Variants in BRMS1L observed in about 807,000 individuals in gnomAD.
BRMS1L encodes BRMS1 like transcriptional repressor.
In BRMS1L, 23 loss-of-function variants were observed where a neutral mutation model predicts 50.3. That is an observed-to-expected ratio of 0.46 (90% CI 0.33 to 0.65). BRMS1L has a LOEUF of 0.65. Ranked by LOEUF, BRMS1L falls within the 30% of genes least tolerant of loss-of-function variation. BRMS1L has a pLI of 0.02. For synonymous variants in BRMS1L, 114 were observed against 126.9 expected (o/e 0.90, Z 0.69); for missense variants, 286 against 386.1 (o/e 0.74, Z 2.17).
Position 35,826,413 on chromosome 14 carries a change from C to G in BRMS1L, c.-104C>G. 2.6e-6 allele frequency: 4 copies of G among 1,516,484 alleles called. No homozygotes were observed. The highest frequency in any genetic ancestry group is 3.5e-6 in the Non-Finnish European group (4 of 1,127,130). The allele number at this position is 1,516,484 out of a possible 1,614,324, so 93.9% of individuals were successfully genotyped here. ...GGCGGGGAGGAGCCAAGGGGGCGAGCAAGCTCGGTGGCTGGGTGGGTTGGG... is the reference window on the plus strand; with the variant it reads ...GGCGGGGAGGAGCCAAGGGGGCGAGGAAGCTCGGTGGCTGGGTGGGTTGGG... On this transcript the variant is annotated 5_prime_UTR_variant, in exon 1 of 10. Coordinates refer to ENST00000216807, the MANE Select transcript of BRMS1L (RefSeq NM_032352.4).
Position 35,850,947 on chromosome 14 carries a change from C to T in BRMS1L, c.442-11643C>T, listed in dbSNP as rs2078204553. 2.0e-5 allele frequency among the ~76,000 whole-genome samples: 3 copies of T among 152,166 alleles called. No homozygotes were observed. In the South Asian group the frequency reaches 6.2e-4, roughly 32 times the overall value. On this transcript the variant is annotated intron_variant, in intron 4 of 9. Coordinates refer to ENST00000216807, the MANE Select transcript of BRMS1L (RefSeq NM_032352.4). ...TATTTTTCAACTAATCCTAGACCCACCCAAGGATCAAGCACAGAATTTGGT... is the reference window on the plus strand; with the variant it reads ...TATTTTTCAACTAATCCTAGACCCATCCAAGGATCAAGCACAGAATTTGGT...
intron 4 of BRMS1L, among the ~76,000 whole-genome samples, chr14:35,850,420 T>G (rs897276657): frequency 2.6e-5 from 4 of 151,324 alleles, no homozygotes; most frequent in African/African-American, 9.7e-5. Context: ...TTGTTCAAGC[T>G]GGTCTTGAAT....
chr14:35,868,719 G>A (rs1402757652), intron 9 of BRMS1L, among the ~76,000 whole-genome samples: 1 of 152,104 alleles, frequency 6.6e-6, no homozygotes. Context: ...GCTGCAGCAA[G>A]GTATCATTTC....
intron 4 of BRMS1L, among the ~76,000 whole-genome samples, chr14:35,859,970 A>C (rs999409961): frequency 5.3e-5 from 8 of 152,126 alleles, no homozygotes; most frequent in African/African-American, 1.9e-4. Flanking sequence ...GTTTAATAAA[A>C]AAATTCGTAT....
intron 9 of BRMS1L, among the ~76,000 whole-genome samples, chr14:35,869,594 T>C (rs2142067298): frequency 6.6e-6 from 1 of 152,126 alleles, no homozygotes; most frequent in African/African-American, 2.4e-5. Flanking sequence ...ACACCTGTAA[T>C]CCCAACACTT....
At chr14:35,868,442 A>G (rs2078448595) in intron 9 of BRMS1L, among the ~76,000 whole-genome samples, 1 of 152,212 alleles carries the variant, frequency 6.6e-6, no homozygotes, top group South Asian at 2.1e-4. Flanking sequence ...CAATTAGAGT[A>G]GGAAATAAAT....
rs1227329953 is a variant in BRMS1L at position 35,871,508 on chromosome 14, G to A, written c.*1031G>A. Reference sequence around the variant, plus strand: ...TTCAAAATTAACTTCCAAAACCTCAGGAACAGTACAAAGAATTGAAACCCT... The same window carrying A: ...TTCAAAATTAACTTCCAAAACCTCAAGAACAGTACAAAGAATTGAAACCCT... On this transcript the variant is annotated 3_prime_UTR_variant, in exon 10 of 10. Transcript: ENST00000216807. 1 of 152,608 alleles carries A rather than the reference G, an allele frequency of 6.6e-6. No individual in the cohort carries two copies. The highest frequency in any genetic ancestry group is 2.4e-5 in the African/African-American group (1 of 41,438). The allele number at this position is 152,608 out of a possible 1,614,324, so 9.5% of individuals were successfully genotyped here. A position where few individuals can be genotyped will look rare whatever the true frequency, so the allele number is the denominator to read the frequency against.
chr14:35,834,295 A>G (rs866618403), intron 3 of BRMS1L, among the ~76,000 whole-genome samples: 4 of 152,142 alleles, frequency 2.6e-5, no homozygotes, highest in African/African-American at 9.7e-5. Context: ...AAGTTAAACT[A>G]TCTTGGGTAT....
chr14:35,841,137 C>T (rs1385626769), intron 4 of BRMS1L, among the ~76,000 whole-genome samples: 1 of 152,080 alleles, frequency 6.6e-6, no homozygotes, highest in East Asian at 1.9e-4. Flanking sequence ...GCCGGTTGTA[C>T]AGTTTCCATG....
At chr14:35,844,877 A>G (rs2078113604) in intron 4 of BRMS1L, among the ~76,000 whole-genome samples, 1 of 152,062 alleles carries the variant, frequency 6.6e-6, no homozygotes, top group South Asian at 2.1e-4. Flanking sequence ...TTTTTTAATT[A>G]ATTAATTTTT....
intron 4 of BRMS1L, among the ~76,000 whole-genome samples, chr14:35,853,391 G>A (rs543166362): frequency 6.6e-6 from 1 of 151,698 alleles, no homozygotes; most frequent in Non-Finnish European, 1.5e-5. Context: ...TTACTTTGAT[G>A]ATGATGTTAA....
chr14:35,835,745 T>C (rs2077983562), intron 4 of BRMS1L, among the ~76,000 whole-genome samples: 1 of 152,134 alleles, frequency 6.6e-6, no homozygotes, highest in African/African-American at 2.4e-5. Context: ...CTCAGGAGGC[T>C]GAGGTGAGGG....
chr14:35,828,944 C>CTT (rs113694378), intron 1 of BRMS1L, among the ~76,000 whole-genome samples: 1 of 145,148 alleles, frequency 6.9e-6, no homozygotes, highest in Admixed American at 6.9e-5. Context: ...GAATATATTT[C>CTT]TTTTTTTTTT....
intron 4 of BRMS1L, among the ~76,000 whole-genome samples, chr14:35,849,145 G>C (rs752248132): frequency 5.3e-5 from 8 of 151,882 alleles, no homozygotes; most frequent in South Asian, 2.1e-4. Flanking sequence ...ATGAGCCACT[G>C]TACCCTGGCC....
Position 35,865,111 on chromosome 14 carries a change from G to A in BRMS1L, c.687+112G>A, listed in dbSNP as rs544879543. The A allele has an allele frequency of 8.2e-5, 62 of 757,690 alleles. No homozygotes were observed. The South Asian group carries it at 1.5e-3, about 18-fold the overall frequency. 46.9% of individuals were successfully genotyped at this position (757,690 alleles called of 1,614,324 possible). On this transcript the variant is annotated intron_variant, in intron 7 of 9. Transcript: ENST00000216807. ...ATTATTGTAAATATGCTTTGCTTTT[G>A]CAACATTTTTCTAAGGCAATTTAAT... is the stretch of plus-strand genomic sequence containing the variant.
intron 3 of BRMS1L, among the ~76,000 whole-genome samples, chr14:35,834,275 G>A (rs1170656453): frequency 6.6e-6 from 1 of 152,114 alleles, no homozygotes; most frequent in Admixed American, 6.5e-5. Context: ...CTATTGTCCT[G>A]TTAGGGTCTA....
intron 4 of BRMS1L, among the ~76,000 whole-genome samples, chr14:35,838,902 T>C (rs1206465103): frequency 1.3e-5 from 2 of 152,246 alleles, no homozygotes; most frequent in Non-Finnish European, 2.9e-5. Flanking sequence ...ATTTTGGCTT[T>C]TGTTGCCATT....
intron 4 of BRMS1L, among the ~76,000 whole-genome samples, chr14:35,853,016 A>ATCTATCTATCTATC (rs552883048): frequency 3.1e-4 from 46 of 150,446 alleles, no homozygotes; most frequent in South Asian, 1.3e-3. Context: ...CTATCTATCT[A>ATCTATCTATCTATC]TATATAGAGA....
chr14:35,867,442 A>C (rs2078436146), intron 8 of BRMS1L, among the ~76,000 whole-genome samples: 1 of 152,238 alleles, frequency 6.6e-6, no homozygotes, highest in Non-Finnish European at 1.5e-5. Flanking sequence ...GGAATTTAAA[A>C]ATAGAAGTTG....
Sources: allele counts gnomAD v4.1 joint callset (sites outside exome capture counted in the v4.1 genomes callset), GRCh38; gene constraint gnomAD v4.1.1; transcripts MANE v1.5; gene names NCBI Gene and HGNC (gene_info 2026-07-23, HGNC 2026-07-21).